The following GRM5 variants were observed in gnomAD, a reference collection of about 807,000 sequenced individuals.
GRM5 encodes metabotropic glutamate receptor 5.
Under a neutral mutation model 83.1 loss-of-function variants are expected in GRM5, and 19 were observed. The ratio of observed to expected loss-of-function variants is 0.23; its 90% CI spans 0.16 to 0.34. GRM5 has a LOEUF of 0.34. GRM5 is among the 10% of genes least tolerant of loss of function. The pLI, the probability that GRM5 is intolerant of heterozygous loss-of-function variation, is 1.00. For missense variants in GRM5, 1,160 were observed against 1,588.3 expected (o/e 0.73, Z 4.58); for synonymous variants, 675 against 633.6 (o/e 1.07, Z -0.98).
At chr11:88,681,565 C>CTTTTTTTTTTTTTTTCTT (rs1940489374) in intron 3 of GRM5, among the ~76,000 whole-genome samples, 1 of 25,402 alleles carries the variant, frequency 3.9e-5, no homozygotes, top group African/African-American at 1.1e-4. Context: ...TGAGTTCTTC[C>CTTTTTTTTTTTTTTTCTT]TTTTTTTTTT....
chr11:88,728,066 CA>C lies in GRM5; in HGVS notation c.912-74664del, dbSNP rs529776469. 5.9e-5 allele frequency among the ~76,000 whole-genome samples: 9 copies of C among 151,862 alleles called. No individual in the cohort carries two copies. In the South Asian group the frequency reaches 1.9e-3, roughly 32 times the overall value. Reference sequence around the variant, plus strand: ...GGAGATAGAGACATGAAAAACCCTTCAAAAAAATCAGCGAATCCAGGAGCTG... The same window carrying C: ...GGAGATAGAGACATGAAAAACCCTTCAAAAAATCAGCGAATCCAGGAGCTG... On this transcript the variant is annotated intron_variant, in intron 3 of 9. Coordinates refer to ENST00000305447, the MANE Select transcript of GRM5 (RefSeq NM_001143831.3).
At chr11:88,734,581 G>A (rs968409266) in intron 3 of GRM5, among the ~76,000 whole-genome samples, 3 of 151,930 alleles carry the variant, frequency 2.0e-5, no homozygotes, top group Non-Finnish European at 4.4e-5. Context: ...TACAACATAA[G>A]TTGATCCAAA....
chr11:88,830,659 C>T (rs11021500), intron 3 of GRM5, among the ~76,000 whole-genome samples: 3,885 of 152,300 alleles, frequency 0.026, 175 homozygotes, highest in African/African-American at 0.089. Flanking sequence ...GTTCTACCCA[C>T]ACTGGCTGTG....
At chr11:88,922,296 AC>A (rs1446257165) in intron 2 of GRM5, among the ~76,000 whole-genome samples, 2 of 152,192 alleles carry the variant, frequency 1.3e-5, no homozygotes, top group South Asian at 2.1e-4. Context: ...AGCAAAAGGA[AC>A]AAAACTGGAG....
At chr11:88,540,583 G>C (rs1165354441) in intron 8 of GRM5, among the ~76,000 whole-genome samples, 1 of 152,050 alleles carries the variant, frequency 6.6e-6, no homozygotes, top group African/African-American at 2.4e-5. Flanking sequence ...TGCAATTACA[G>C]GTAGCCAGTG....
At chr11:88,920,413 CA>C (rs1366234382) in intron 2 of GRM5, among the ~76,000 whole-genome samples, 54 of 41,096 alleles carry the variant, frequency 1.3e-3, no homozygotes, top group African/African-American at 4.0e-3. Context: ...TTCTCCCAGC[CA>C]AAAAAAAAAA....
intron 8 of GRM5, among the ~76,000 whole-genome samples, chr11:88,566,667 CTT>C (rs745495960): frequency 3.3e-5 from 5 of 152,106 alleles, no homozygotes; most frequent in African/African-American, 4.8e-5. Context: ...TCAGTATAAT[CTT>C]TGTTAGTAAT....
At chr11:88,664,508 A>G (rs965833858) in intron 3 of GRM5, among the ~76,000 whole-genome samples, 2 of 151,978 alleles carry the variant, frequency 1.3e-5, no homozygotes, top group Non-Finnish European at 2.9e-5. Context: ...ATGCAATGGC[A>G]TGATCTTGGC....
chr11:89,014,136 A>G (rs1045497236), intron 2 of GRM5, among the ~76,000 whole-genome samples: 1 of 152,202 alleles, frequency 6.6e-6, no homozygotes, highest in Non-Finnish European at 1.5e-5. Flanking sequence ...ATGTTTGTGC[A>G]TGTGTCAAAT....
rs929336295 is a variant in GRM5 at position 88,588,957 on chromosome 11, A to T, written c.1690+1644T>A. Among the ~76,000 whole-genome samples the T allele has an allele frequency of 2.6e-5, 4 of 152,164 alleles. No individual in the cohort carries two copies. In the East Asian group the frequency reaches 5.8e-4, roughly 22 times the overall value. ...ATATTATAATGGAAATAGTAATAAT[A>T]AAATATTTATCTGTTGAAATAATGA... is the stretch of plus-strand genomic sequence containing the variant. On this transcript the variant is annotated intron_variant, in intron 7 of 9. Coordinates refer to ENST00000305447, the MANE Select transcript of GRM5 (RefSeq NM_001143831.3).
chr11:88,919,633 T>G (rs1366992541), intron 2 of GRM5, among the ~76,000 whole-genome samples: 1 of 152,036 alleles, frequency 6.6e-6, no homozygotes, highest in East Asian at 1.9e-4. Context: ...TGCTCAAGGA[T>G]AGACTATATG....
chr11:88,668,188 T>G (rs1399794205), intron 3 of GRM5, among the ~76,000 whole-genome samples: 2 of 148,956 alleles, frequency 1.3e-5, no homozygotes, highest in African/African-American at 2.5e-5. Flanking sequence ...AGTGGAAGTT[T>G]ATTTAAAACA....
In GRM5 at chr11:88,567,242, A is replaced by G. The variant is rs770261533; in HGVS notation, c.2441T>C (p.Leu814Pro). The G allele has an allele frequency of 6.2e-7, 1 of 1,614,114 alleles. No homozygotes were observed. The highest frequency in any genetic ancestry group is 8.5e-7 in the Non-Finnish European group (1 of 1,179,950). The part of the protein sequence containing the change: ...FSVSLSATVA[L>P]GCMFVPKVYI... Reference sequence around the variant, plus strand: ...CACCTTCGGCACAAACATGCAGCCTAGGGCCACTGTGGCACTGAGGCTGAC... The same window carrying G: ...CACCTTCGGCACAAACATGCAGCCTGGGGCCACTGTGGCACTGAGGCTGAC... The change falls in exon 8 of 10, where the codon CTA becomes CCA. Residue 814 changes from leucine (L) to proline (P), a missense_variant. By Grantham distance (98) the Leu-to-Pro change is moderately conservative. Transcript: ENST00000305447. This position sits in a 1 kb window ranked among gnomAD's most constrained non-coding sequence, Gnocchi z 7.3.
At chr11:89,063,203 G>A (rs1942031775) in intron 1 of GRM5, among the ~76,000 whole-genome samples, 2 of 152,348 alleles carry the variant, frequency 1.3e-5, no homozygotes, top group South Asian at 4.1e-4. Flanking sequence ...CCTGGCCTTA[G>A]AGAGCGGGAA....
intron 3 of GRM5, among the ~76,000 whole-genome samples, chr11:88,664,879 G>A (rs117084716): frequency 4.1e-3 from 627 of 152,230 alleles, no homozygotes; most frequent in Middle Eastern, 0.02. Context: ...ACGAATTTTA[G>A]AATCCACTGA....
At chr11:88,850,856 G>A (rs1052576794) in intron 2 of GRM5, among the ~76,000 whole-genome samples, 1 of 140,878 alleles carries the variant, frequency 7.1e-6, no homozygotes, top group African/African-American at 2.7e-5. Context: ...AAGGACAAAT[G>A]TTAGTCTTTA....
At chr11:88,649,389 A>G (rs1442440385) in intron 4 of GRM5, among the ~76,000 whole-genome samples, 1 of 142,058 alleles carries the variant, frequency 7.0e-6, no homozygotes, top group Non-Finnish European at 1.5e-5. Context: ...TATGTATTAT[A>G]TATTATATAT....
At chr11:88,793,422 G>C (rs1427508827) in intron 3 of GRM5, among the ~76,000 whole-genome samples, 3 of 152,108 alleles carry the variant, frequency 2.0e-5, no homozygotes, top group African/African-American at 7.2e-5. Context: ...TGGACCTCAG[G>C]TTTAAAAACA....
intron 7 of GRM5, among the ~76,000 whole-genome samples, chr11:88,574,628 A>T (rs1943068533): frequency 1.3e-5 from 2 of 152,086 alleles, no homozygotes; most frequent in South Asian, 4.2e-4. Context: ...TTAGCCAGGC[A>T]TGGTGGCAGG....
Sources: allele counts gnomAD v4.1 joint callset (sites outside exome capture counted in the v4.1 genomes callset), GRCh38; gene constraint gnomAD v4.1.1; non-coding constraint Gnocchi (gnomAD v3.1); transcripts MANE v1.5; gene names NCBI Gene and HGNC (gene_info 2026-07-23, HGNC 2026-07-21).